The following DRC4 variants were observed in gnomAD, a reference collection of about 807,000 sequenced individuals.
DRC4 encodes GAS-11.
At chr16:90,041,313 G>A in the DRC4 span, among the ~76,000 whole-genome samples, 65 of 152,294 alleles carry the variant, frequency 4.3e-4, 1 homozygote, top group South Asian at 0.011. Context: ...AGAGGCCCCC[G>A]CAGGGACACT....
the DRC4 span, chr16:90,037,799 T>C: frequency 6.2e-7 from 1 of 1,614,180 alleles, no homozygotes. Flanking sequence ...GAGAAAGAGC[T>C]GAAAGACCTG....
At chr16:90,043,950 CGT>C in the DRC4 span, 1 of 419,798 alleles carries the variant, frequency 2.4e-6, no homozygotes, top group Non-Finnish European at 5.0e-6. Context: ...ACCAGGGGCA[CGT>C]GGAACTTCTG....
At chr16:90,040,434 G>C in the DRC4 span, 20 of 1,612,144 alleles carry the variant, frequency 1.2e-5, no homozygotes, top group Non-Finnish European at 1.6e-5. Context: ...AGAAGAAGGA[G>C]GTGCAGTTCA....
At chr16:90,027,461 A>G in the DRC4 span, among the ~76,000 whole-genome samples, 4 of 152,160 alleles carry the variant, frequency 2.6e-5, no homozygotes, top group Non-Finnish European at 5.9e-5. Flanking sequence ...AAATGCAACA[A>G]CAGGATGTGT....
the DRC4 span, among the ~76,000 whole-genome samples, chr16:90,041,291 T>TG: frequency 0.015 from 2,299 of 152,326 alleles, 23 homozygotes; most frequent in Non-Finnish European, 0.025. Flanking sequence ...AGGAATCTTC[T>TG]GGGGAAATGA....
chr16:90,027,513 C>A, the DRC4 span: 3 of 876,418 alleles, frequency 3.4e-6, no homozygotes, highest in Admixed American at 1.9e-5. Context: ...TGATGTGCTC[C>A]AGGTGAGCAG....
At chr16:90,029,890 G>A in the DRC4 span, 23,138 of 157,098 alleles carry the variant, frequency 0.15, 2,766 homozygotes, top group East Asian at 0.63. Flanking sequence ...CCCAGTAGCT[G>A]GGACTGCAGG....
chr16:90,024,062 T>C, the DRC4 span, among the ~76,000 whole-genome samples: 1 of 149,182 alleles, frequency 6.7e-6, no homozygotes, highest in Non-Finnish European at 1.5e-5. Context: ...GGTGGATCAC[T>C]TGAGGCCAGG....
the DRC4 span, among the ~76,000 whole-genome samples, chr16:90,021,303 C>A: frequency 6.6e-6 from 1 of 152,208 alleles, no homozygotes; most frequent in African/African-American, 2.4e-5. Context: ...CCTAGGTCCA[C>A]CAGGCCTTCT....
the DRC4 span, among the ~76,000 whole-genome samples, chr16:90,042,162 C>G: frequency 1.3e-5 from 2 of 152,188 alleles, no homozygotes; most frequent in African/African-American, 4.8e-5. Context: ...TCTCAAACTC[C>G]TGACCTCAAG....
the DRC4 span, among the ~76,000 whole-genome samples, chr16:90,039,547 G>A: frequency 1.3e-5 from 2 of 151,744 alleles, no homozygotes; most frequent in African/African-American, 2.4e-5. Context: ...CACCACGCCC[G>A]GCTAATGTTT....
At chr16:90,036,721 C>A in the DRC4 span, 2 of 793,620 alleles carry the variant, frequency 2.5e-6, no homozygotes, top group Non-Finnish European at 4.3e-6. Flanking sequence ...TTGACAATGC[C>A]CCTCTCATAT....
chr16:90,030,516 T>C, the DRC4 span, among the ~76,000 whole-genome samples: 3 of 150,884 alleles, frequency 2.0e-5, no homozygotes, highest in East Asian at 1.9e-4. Flanking sequence ...AATTTTTTTT[T>C]TTTTTTTTTT....
At chr16:90,026,756 C>A in the DRC4 span, among the ~76,000 whole-genome samples, 2 of 150,360 alleles carry the variant, frequency 1.3e-5, no homozygotes, top group Non-Finnish European at 3.0e-5. Flanking sequence ...CACCATAGCT[C>A]ACTGCAGCCT....
At chr16:90,041,309 C>T in the DRC4 span, among the ~76,000 whole-genome samples, 1 of 152,164 alleles carries the variant, frequency 6.6e-6, no homozygotes, top group Admixed American at 6.5e-5. Context: ...TGACAGAGGC[C>T]CCCGCAGGGA....
chr16:90,042,779 G>A, the DRC4 span: 10 of 546,690 alleles, frequency 1.8e-5, no homozygotes, highest in African/African-American at 3.8e-5. Flanking sequence ...GGACCTGGAC[G>A]CTTCCCTGGT....
the DRC4 span, chr16:90,043,537 C>T: frequency 4.0e-5 from 25 of 621,230 alleles, no homozygotes; most frequent in East Asian, 6.2e-4. Flanking sequence ...CCATGGTGTC[C>T]CTGTCGCTCC....
chr16:90,037,079 C>T, the DRC4 span: 5 of 678,962 alleles, frequency 7.4e-6, no homozygotes, highest in Admixed American at 1.2e-4. Flanking sequence ...TGCAGAAATA[C>T]TGTTTATACA....
At chr16:90,029,280 G>C in the DRC4 span, 1 of 1,366,706 alleles carries the variant, frequency 7.3e-7, no homozygotes, top group Non-Finnish European at 9.8e-7. Context: ...TCAGGGTCCA[G>C]GCAGGTGGGG....
Sources: gnomAD v4.1 joint callset for allele counts (sites outside exome capture counted in the v4.1 genomes callset) on GRCh38, gnomAD v4.1.1 for gene constraint, MANE v1.5 for transcripts, NCBI Gene and HGNC (gene_info 2026-07-23, HGNC 2026-07-21) for gene names.